The following LRMDA variants were observed in gnomAD, a reference collection of about 807,000 sequenced individuals.
LRMDA encodes the protein leucine-rich melanocyte differentiation-associated protein.
Under a neutral mutation model 29.8 loss-of-function variants are expected in LRMDA, and 18 were observed. The observed-to-expected ratio is 0.60, with a 90% CI of 0.42 to 0.90. The LOEUF is 0.90. Among genes scored for constraint, LRMDA ranks in the 40% least tolerant of loss-of-function variants. LRMDA has a pLI of 0.00. For synonymous variants in LRMDA, 125 were observed against 109.4 expected (o/e 1.14, Z -0.89); for missense variants, 273 against 273.9 (o/e 1.00, Z 0.02).
At chr10:75,718,186 G>A (rs1441258823) in intron 2 of LRMDA, among the ~76,000 whole-genome samples, 1 of 152,170 alleles carries the variant, frequency 6.6e-6, no homozygotes, top group African/African-American at 2.4e-5. Flanking sequence ...ACACCTAGTG[G>A]CACTCGATCA....
intron 2 of LRMDA, among the ~76,000 whole-genome samples, chr10:75,950,355 T>C (rs1298960787): frequency 6.6e-6 from 1 of 152,202 alleles, no homozygotes; most frequent in African/African-American, 2.4e-5. Flanking sequence ...ATGCTACTCA[T>C]TGACTTGAAG....
chr10:76,209,470 G>A (rs141038334), intron 5 of LRMDA, among the ~76,000 whole-genome samples: 276 of 152,248 alleles, frequency 1.8e-3, no homozygotes, highest in African/African-American at 6.2e-3. Context: ...CTGGATTGAC[G>A]GCATAAGAAT....
intron 2 of LRMDA, among the ~76,000 whole-genome samples, chr10:75,945,515 T>C (rs1296375369): frequency 1.3e-5 from 2 of 152,214 alleles, no homozygotes; most frequent in Non-Finnish European, 1.5e-5. Context: ...CAGACTTCTG[T>C]TAAGGGCCAG....
intron 6 of LRMDA, among the ~76,000 whole-genome samples, chr10:76,399,352 T>C (rs1255377785): frequency 6.6e-6 from 1 of 152,208 alleles, no homozygotes; most frequent in African/African-American, 2.4e-5. Context: ...ACTAAAGTTT[T>C]TGTTTTGACT....
chr10:75,859,632 CACACACACACACACAT>C (rs1844887636), intron 2 of LRMDA, among the ~76,000 whole-genome samples: 2 of 150,078 alleles, frequency 1.3e-5, no homozygotes, highest in Admixed American at 6.6e-5. Context: ...CACACACACA[CACACACACACACACAT>C]ACATCTGGCC....
At chr10:75,837,210 T>C (rs1328808485) in intron 2 of LRMDA, among the ~76,000 whole-genome samples, 4 of 152,122 alleles carry the variant, frequency 2.6e-5, no homozygotes, top group Non-Finnish European at 4.4e-5. Flanking sequence ...GGAGAGAATA[T>C]AGCAAAATAT....
chr10:76,261,730 T>C (rs1244398478), intron 5 of LRMDA, among the ~76,000 whole-genome samples: 1 of 152,220 alleles, frequency 6.6e-6, no homozygotes, highest in East Asian at 1.9e-4. Context: ...TTACATATTT[T>C]TTGAAAGTCA....
intron 5 of LRMDA, among the ~76,000 whole-genome samples, chr10:76,192,101 T>C (rs1851257588): frequency 1.3e-5 from 2 of 152,192 alleles, no homozygotes; most frequent in Non-Finnish European, 2.9e-5. Flanking sequence ...TAGGGTGATA[T>C]GCTTCCCAAG....
rs1852033874 is a variant in LRMDA at position 76,230,258 on chromosome 10, A to G, written c.517-94143A>G. 1.3e-5 allele frequency among the ~76,000 whole-genome samples: 2 copies of G among 152,220 alleles called. 1 individual carries two copies. Among genetic ancestry groups the G allele is most frequent in the Admixed American group, 1.3e-4 (2 of 15,276 alleles). On this transcript the variant is annotated intron_variant, in intron 5 of 6. Coordinates refer to ENST00000611255, the MANE Select transcript of LRMDA (RefSeq NM_001305581.2). ...AATTCAGTTGCTTCCACACATATTC[A>G]AGTTTGTATCCAGAATTAAGCGAGT...
chr10:76,479,583 C>T (rs1842715811), intron 6 of LRMDA, among the ~76,000 whole-genome samples: 2 of 151,858 alleles, frequency 1.3e-5, no homozygotes. Flanking sequence ...GAATAATTGC[C>T]CTGTCCAAAA....
chr10:75,979,040 A>C (rs1227014523), intron 2 of LRMDA, among the ~76,000 whole-genome samples: 2 of 152,192 alleles, frequency 1.3e-5, no homozygotes, highest in Admixed American at 1.3e-4. Flanking sequence ...GTAAAATGGC[A>C]TTAATAATAG....
chr10:76,368,819 T>G (rs891495683), intron 6 of LRMDA, among the ~76,000 whole-genome samples: 5 of 152,210 alleles, frequency 3.3e-5, no homozygotes, highest in Admixed American at 1.3e-4. Context: ...ATTGTGATAT[T>G]TTCCTGTTGG....
intron 5 of LRMDA, among the ~76,000 whole-genome samples, chr10:76,104,671 C>T (rs1849450851): frequency 6.6e-6 from 1 of 152,078 alleles, no homozygotes; most frequent in South Asian, 2.1e-4. Context: ...AGAATTTGTT[C>T]TTTTAAAATC....
chr10:76,384,323 C>T (rs1191519365), intron 6 of LRMDA, among the ~76,000 whole-genome samples: 6 of 152,092 alleles, frequency 3.9e-5, no homozygotes, highest in Admixed American at 3.3e-4. Flanking sequence ...CTACTATATG[C>T]CAGATACCTT....
At position 75,631,242 on chromosome 10, in the gene LRMDA, T is replaced by C. The variant is rs138077701; in HGVS notation, c.131+192748T>C. On this transcript the variant is annotated intron_variant, in intron 2 of 6. Coordinates refer to ENST00000611255, the MANE Select transcript of LRMDA (RefSeq NM_001305581.2). ...ACCTCGTACTCCTCACCCTAAGTCC[T>C]ATATCCCTTCTACCTCCCCTGCTGC... 7.9e-3 allele frequency among the ~76,000 whole-genome samples: 1,196 copies of C among 152,262 alleles called. 14 individuals are homozygous for C. The highest frequency in any genetic ancestry group is 0.026 in the African/African-American group (1,069 of 41,546).
Position 75,431,723 on chromosome 10 carries a change from C to T in LRMDA, c.-2C>T. 2.2e-6 allele frequency: 3 copies of T among 1,354,978 alleles called. No homozygotes were observed. The highest frequency in any genetic ancestry group is 2.0e-5 in the South Asian group (1 of 51,082). The allele number at this position is 1,354,978 out of a possible 1,614,324, so 83.9% of individuals were successfully genotyped here. ...CCGCGCGCCCGCAGCGTCCTGGCCG[C>T]CATGGCCGGGCTCGTGGTGCGTGGA... is the stretch of plus-strand genomic sequence containing the variant. On this transcript the variant is annotated 5_prime_UTR_variant, in exon 1 of 7. Transcript: ENST00000611255.
At chr10:76,018,708 C>G (rs1847919837) in intron 2 of LRMDA, among the ~76,000 whole-genome samples, 1 of 127,824 alleles carries the variant, frequency 7.8e-6, no homozygotes, top group African/African-American at 2.8e-5. Context: ...CCTGAGACTA[C>G]AGGTGTGCGC....
rs747557546 is a variant in LRMDA at position 76,047,294 on chromosome 10, A to G, written c.389A>G (p.Lys130Arg). ...TTGGAAAAGGATGAGGAAGACTACA[A>G]GAGATACAGGTGAGTGTCCAGGGGT... ...VSLEKDEEDY[K>R]RYRCFVLYKL... Residue 130 changes from lysine to arginine, a missense_variant, in exon 4 of 7, where the codon AAG becomes AGG. By Grantham distance (26) the Lys-to-Arg change is conservative. Transcript: ENST00000611255. The G allele has an allele frequency of 2.5e-6, 4 of 1,611,604 alleles. No homozygotes were observed. In the Admixed American group the frequency reaches 5.0e-5, roughly 20 times the overall value.
intron 2 of LRMDA, among the ~76,000 whole-genome samples, chr10:75,907,806 A>G (rs369961065): frequency 1.3e-5 from 2 of 152,258 alleles, no homozygotes; most frequent in East Asian, 1.9e-4. Flanking sequence ...CTATTAAGGG[A>G]GCAGTGTCTC....
Sources: gnomAD v4.1 joint callset for allele counts (sites outside exome capture counted in the v4.1 genomes callset) on GRCh38, gnomAD v4.1.1 for gene constraint, MANE v1.5 for transcripts, NCBI Gene and HGNC (gene_info 2026-07-23, HGNC 2026-07-21) for gene names.